The following TMX4 variants were observed in gnomAD, a reference collection of about 807,000 sequenced individuals.
TMX4 encodes the protein thioredoxin-related transmembrane protein 4.
A neutral mutation model predicts 33.3 loss-of-function variants in TMX4; 23 were observed. That is an observed-to-expected ratio of 0.69 (90% CI 0.50 to 0.98). The LOEUF is 0.98. Ranked by LOEUF, TMX4 falls within the 50% of genes least tolerant of loss-of-function variation. The probability of loss-of-function intolerance (pLI) is 0.00; values close to 1 mark genes in which losing one functional copy is unlikely to be tolerated. For synonymous variants in TMX4, 164 were observed against 161.5 expected (o/e 1.02, Z -0.12); for missense variants, 399 against 448.9 (o/e 0.89, Z 1.01).
chr20:7,990,490 A>C (rs559995339), intron 5 of TMX4, among the ~76,000 whole-genome samples: 1 of 152,302 alleles, frequency 6.6e-6, no homozygotes, highest in South Asian at 2.1e-4. Flanking sequence ...CAGTGGTCAG[A>C]CAGACTTAAG....
chr20:7,997,360 G>A (rs563457621), intron 4 of TMX4, among the ~76,000 whole-genome samples: 5 of 152,034 alleles, frequency 3.3e-5, no homozygotes, highest in African/African-American at 7.2e-5. Context: ...ATATGATAAG[G>A]TTTCCCTTCA....
chr20:7,996,226 G>A (rs933682447), intron 4 of TMX4, among the ~76,000 whole-genome samples, 155 bp from the exon 5 acceptor site: 1 of 152,092 alleles, frequency 6.6e-6, no homozygotes, highest in African/African-American at 2.4e-5. Context: ...CTTAGATTCA[G>A]TGGCTATCAT....
intron 5 of TMX4, among the ~76,000 whole-genome samples, chr20:7,992,756 A>G (rs566894953): frequency 6.7e-4 from 102 of 152,326 alleles, no homozygotes; most frequent in African/African-American, 2.4e-3. Context: ...TCTAAGGCAG[A>G]AAGAAACCCA....
At chr20:8,005,283 ATTAAAT>A (rs1214670223) in intron 2 of TMX4, among the ~76,000 whole-genome samples, 1 of 152,184 alleles carries the variant, frequency 6.6e-6, no homozygotes, top group African/African-American at 2.4e-5. Context: ...GTATATACTC[ATTAAAT>A]TTAATTTCCC....
intron 2 of TMX4, among the ~76,000 whole-genome samples, chr20:8,003,274 G>A (rs1268626893): frequency 3.3e-5 from 5 of 152,056 alleles, no homozygotes; most frequent in Admixed American, 6.5e-5. Flanking sequence ...TATTAAGAAT[G>A]TATATTTCAT....
chr20:8,008,939 C>T (rs1480733985), intron 2 of TMX4, among the ~76,000 whole-genome samples: 1 of 152,120 alleles, frequency 6.6e-6, no homozygotes, highest in Admixed American at 6.5e-5. Flanking sequence ...GCTGACACAT[C>T]AATTTTAACA....
chr20:7,988,828 G>A (rs931731464), intron 5 of TMX4, among the ~76,000 whole-genome samples: 1 of 152,078 alleles, frequency 6.6e-6, no homozygotes, highest in African/African-American at 2.4e-5. Flanking sequence ...TTCGAGACCA[G>A]CCTGACCAAC....
At chr20:8,018,345 G>GGAGGGA (rs1369621395) in intron 1 of TMX4, among the ~76,000 whole-genome samples, 2 of 101,422 alleles carry the variant, frequency 2.0e-5, no homozygotes, top group African/African-American at 4.0e-5. Flanking sequence ...GAGAGAGAGA[G>GGAGGGA]GAGGGAGAGA....
chr20:8,018,509 AGAGAGAGAGAGAGAGAGAG>A (rs2050792688), intron 1 of TMX4, among the ~76,000 whole-genome samples: 2 of 50,966 alleles, frequency 3.9e-5, no homozygotes, highest in African/African-American at 2.0e-4. Flanking sequence ...AGAGAGAGAG[AGAGAGAGAGAGAGAGAGAG>A]TCTGCAAGCC....
intron 2 of TMX4, among the ~76,000 whole-genome samples, chr20:8,005,064 A>T (rs530874140): frequency 6.6e-6 from 1 of 152,346 alleles, no homozygotes; most frequent in Admixed American, 6.5e-5. Context: ...ATTTACATTT[A>T]TAAAATTTAA....
chr20:7,983,670 A>G (rs2050618568), intron 7 of TMX4, 124 bp downstream of exon 7: 2 of 602,266 alleles, frequency 3.3e-6, no homozygotes, highest in Non-Finnish European at 2.8e-6. Flanking sequence ...ATTTTAAGAA[A>G]TTTGGTAGTG....
At chr20:7,994,626 C>G (rs2050668300) in intron 5 of TMX4, among the ~76,000 whole-genome samples, 1 of 152,168 alleles carries the variant, frequency 6.6e-6, no homozygotes, top group Admixed American at 6.5e-5. Context: ...TCTTCTTAAC[C>G]TGCAGAACAA....
intron 4 of TMX4, 37 bp downstream of exon 4, chr20:7,999,695 T>C: frequency 6.3e-7 from 1 of 1,590,500 alleles, no homozygotes; most frequent in East Asian, 2.2e-5. Context: ...AACCTCCTGT[T>C]TTATTAGTAA....
At chr20:7,995,970 G>A in intron 5 of TMX4, 56 bp downstream of exon 5, 1 of 1,366,946 alleles carries the variant, frequency 7.3e-7, no homozygotes, top group Non-Finnish European at 1.0e-6. Flanking sequence ...CTTAAAAGCT[G>A]TATTTTTATT....
chr20:8,000,555 C>T (rs2050701179), intron 3 of TMX4, among the ~76,000 whole-genome samples: 1 of 152,148 alleles, frequency 6.6e-6, no homozygotes, highest in East Asian at 1.9e-4. Flanking sequence ...ATGACAGGAG[C>T]TCTCTGGACT....
intron 4 of TMX4, among the ~76,000 whole-genome samples, chr20:7,996,788 C>G (rs2050678370): frequency 6.6e-6 from 1 of 152,170 alleles, no homozygotes; most frequent in South Asian, 2.1e-4. Context: ...ACATGCTCTA[C>G]TCTCTTTTAC....
chr20:7,988,807 G>A (rs574254726), intron 5 of TMX4, among the ~76,000 whole-genome samples: 91 of 152,200 alleles, frequency 6.0e-4, no homozygotes, highest in Middle Eastern at 3.4e-3. Context: ...GGCAGATCAC[G>A]AAGTCAGGAG....
chr20:7,999,174 A>G (rs987962056), intron 4 of TMX4, among the ~76,000 whole-genome samples: 4 of 152,188 alleles, frequency 2.6e-5, no homozygotes, highest in African/African-American at 9.7e-5. Context: ...ATCTATATAT[A>G]TGACAATCCA....
chr20:8,012,954 G>A (rs1428639593), intron 1 of TMX4, among the ~76,000 whole-genome samples: 1 of 152,180 alleles, frequency 6.6e-6, no homozygotes, highest in Non-Finnish European at 1.5e-5. Flanking sequence ...AGATAAGCCA[G>A]CTCTGAGTCT....
Sources: allele counts gnomAD v4.1 joint callset (sites outside exome capture counted in the v4.1 genomes callset), GRCh38; gene constraint gnomAD v4.1.1; transcripts MANE v1.5; gene names NCBI Gene and HGNC (gene_info 2026-07-23, HGNC 2026-07-21).